Variants in DLGAP1 observed in about 807,000 individuals in gnomAD.
DLGAP1 encodes DLG associated protein 1.
In DLGAP1, 11 loss-of-function variants were observed where a neutral mutation model predicts 90.8. The observed-to-expected ratio is 0.12, with a 90% CI of 0.08 to 0.20. The LOEUF is 0.20. Among genes scored for constraint, DLGAP1 ranks in the 10% least tolerant of loss-of-function variants. The pLI is 1.00. For missense variants in DLGAP1, 1,050 were observed against 1,333.8 expected (o/e 0.79, Z 3.31); for synonymous variants, 558 against 540.7 (o/e 1.03, Z -0.44).
intron 1 of DLGAP1, among the ~76,000 whole-genome samples, chr18:4,385,776 C>A (rs988040600): frequency 6.6e-6 from 1 of 152,112 alleles, no homozygotes; most frequent in Non-Finnish European, 1.5e-5. Flanking sequence ...TTACATGTTA[C>A]TTTCATTGCT....
rs565239376 is a variant in DLGAP1, at chr18:3,775,518, C to T, written c.1173-33006G>A. Among the ~76,000 whole-genome samples the T allele has an allele frequency of 1.5e-3, 226 of 152,238 alleles. 1 individual carries two copies. Among genetic ancestry groups the T allele is most frequent in the Non-Finnish European group, 2.8e-3 (189 of 68,024 alleles). On this transcript the variant is annotated intron_variant, in intron 5 of 12. Transcript: ENST00000315677. The surrounding 1 kb of genome is among the most constrained non-coding windows in gnomAD (Gnocchi z 4.9). ...CCTTCCACCATGATTGTAAGTTTCC[C>T]GAGGCCTCACCAAGCACGCTTCCTG...
chr18:3,822,443 A>G (rs1174520599), intron 4 of DLGAP1, among the ~76,000 whole-genome samples: 1 of 152,230 alleles, frequency 6.6e-6, no homozygotes, highest in Non-Finnish European at 1.5e-5. Flanking sequence ...GCATTTTATA[A>G]AACACAGTCT....
intron 7 of DLGAP1, among the ~76,000 whole-genome samples, chr18:3,652,834 A>T (rs1392924885): frequency 1.3e-5 from 2 of 152,200 alleles, no homozygotes; most frequent in East Asian, 1.9e-4. Flanking sequence ...CACAGAACAC[A>T]TGCTGCTTAT....
At chr18:4,264,194 A>G (rs1470886657) in intron 1 of DLGAP1, among the ~76,000 whole-genome samples, 2 of 152,174 alleles carry the variant, frequency 1.3e-5, no homozygotes, top group African/African-American at 4.8e-5. Context: ...TTGTATATTG[A>G]ACTAAAAATA....
chr18:3,937,864 A>G (rs1466211449), intron 3 of DLGAP1, among the ~76,000 whole-genome samples: 5 of 152,184 alleles, frequency 3.3e-5, no homozygotes, highest in East Asian at 1.9e-4. Context: ...CAATCTGGCT[A>G]TGATGTTTGC....
rs58927946 is a variant in DLGAP1 at position 4,135,508 on chromosome 18, T to C, written c.-159+15672A>G. ...CTGCTTAAATCTTCTAACTTTTGGC[T>C]TGAATTATTTTCTTCTAAGTTTAGC... On this transcript the variant is annotated intron_variant, in intron 2 of 12. Coordinates refer to ENST00000315677, the MANE Select transcript of DLGAP1 (RefSeq NM_004746.4). Among the ~76,000 whole-genome samples, 530 of 152,304 alleles carry C rather than the reference T, an allele frequency of 3.5e-3. 1 individual carries two copies. The highest frequency in any genetic ancestry group is 0.012 in the African/African-American group (493 of 41,564).
chr18:3,771,838 GA>G (rs36074021), intron 5 of DLGAP1, among the ~76,000 whole-genome samples: 24,860 of 137,994 alleles, frequency 0.18, 2,131 homozygotes, highest in Middle Eastern at 0.22. Flanking sequence ...CCCTAGCTCT[GA>G]AAAAAAAAAA....
chr18:4,389,196 C>A (rs1369730634), intron 1 of DLGAP1, among the ~76,000 whole-genome samples: 2 of 152,152 alleles, frequency 1.3e-5, no homozygotes, highest in African/African-American at 4.8e-5. Flanking sequence ...GAAGGACATT[C>A]TAACACATGC....
chr18:4,296,235 C>T (rs138679352), intron 1 of DLGAP1, among the ~76,000 whole-genome samples: 6 of 152,266 alleles, frequency 3.9e-5, no homozygotes, highest in African/African-American at 1.4e-4. Flanking sequence ...GTAAACAGTA[C>T]ATTTTCTGAA....
intron 1 of DLGAP1, among the ~76,000 whole-genome samples, chr18:4,191,169 A>G (rs1009079951): frequency 6.6e-5 from 10 of 152,164 alleles, no homozygotes; most frequent in Non-Finnish European, 1.5e-5. Context: ...TATGTTTGCC[A>G]TAACGACAGA....
intron 2 of DLGAP1, among the ~76,000 whole-genome samples, chr18:4,120,957 C>T (rs557325058): frequency 2.2e-4 from 34 of 152,248 alleles, no homozygotes; most frequent in African/African-American, 7.7e-4. Context: ...GTTCTCAGTA[C>T]CCACATTCTC....
At chr18:4,240,553 A>G (rs10460015) in intron 1 of DLGAP1, among the ~76,000 whole-genome samples, 63,580 of 151,994 alleles carry the variant, frequency 0.42, 15,516 homozygotes, top group East Asian at 0.78. Flanking sequence ...ACCAGAATGA[A>G]AATGTCAAAA....
intron 4 of DLGAP1, among the ~76,000 whole-genome samples, chr18:3,831,035 G>A (rs1350654147): frequency 3.3e-5 from 5 of 152,214 alleles, no homozygotes; most frequent in African/African-American, 4.8e-5. Context: ...CAATGGTTGT[G>A]GGCAAACAGG....
intron 1 of DLGAP1, among the ~76,000 whole-genome samples, chr18:4,415,184 A>G (rs2082870076): frequency 6.6e-6 from 1 of 152,174 alleles, no homozygotes. Flanking sequence ...CAGAGCAAAC[A>G]CTTGTATAAT....
intron 1 of DLGAP1, among the ~76,000 whole-genome samples, chr18:4,258,157 T>C (rs1157020449): frequency 6.6e-6 from 1 of 152,040 alleles, no homozygotes; most frequent in Non-Finnish European, 1.5e-5. Context: ...CTGCCTCAGC[T>C]TCCCTACTAG....
intron 7 of DLGAP1, among the ~76,000 whole-genome samples, chr18:3,644,799 A>G (rs2059061136): frequency 6.6e-6 from 1 of 152,196 alleles, no homozygotes; most frequent in Admixed American, 6.5e-5. Flanking sequence ...GGTTATGTAA[A>G]TTGTAATATA....
In DLGAP1 at chr18:3,644,068, G is replaced by A. The variant is rs2146348165; in HGVS notation, c.1592-61820C>T. ...ACTAGTTCTAGCCAATAAAATATAA[G>A]TGGAAATAATGTTTGTCACTTTTGG... is the stretch of plus-strand genomic sequence containing the variant. On this transcript the variant is annotated intron_variant, in intron 7 of 12. Transcript: ENST00000315677. 2.0e-5 allele frequency among the ~76,000 whole-genome samples: 3 copies of A among 152,288 alleles called. No individual in the cohort carries two copies. In the East Asian group the frequency reaches 5.8e-4, roughly 29 times the overall value.
chr18:4,034,700 C>G (rs532057753), intron 2 of DLGAP1, among the ~76,000 whole-genome samples: 1 of 152,048 alleles, frequency 6.6e-6, no homozygotes, highest in Non-Finnish European at 1.5e-5. Flanking sequence ...GTAGGTGAAC[C>G]CTGTCTCACT....
At chr18:3,783,870 C>T (rs1026916857) in intron 5 of DLGAP1, among the ~76,000 whole-genome samples, 2 of 152,122 alleles carry the variant, frequency 1.3e-5, no homozygotes, top group Admixed American at 6.5e-5. Flanking sequence ...GATGCCACAG[C>T]GATTTCGAGA....
Sources: gnomAD v4.1 joint callset for allele counts (sites outside exome capture counted in the v4.1 genomes callset) on GRCh38, gnomAD v4.1.1 for gene constraint, Gnocchi (gnomAD v3.1) non-coding constraint, MANE v1.5 for transcripts, NCBI Gene and HGNC (gene_info 2026-07-23, HGNC 2026-07-21) for gene names.